AHRR: variants seen among roughly 807,000 people sequenced by gnomAD.
AHRR encodes the protein ahR repressor.
Under a neutral mutation model 44.0 loss-of-function variants are expected in AHRR, and 28 were observed. That is an observed-to-expected ratio of 0.64 (90% CI 0.47 to 0.87). The LOEUF (loss-of-function observed/expected upper bound fraction) is 0.87. Among genes scored for constraint, AHRR ranks in the 40% least tolerant of loss-of-function variants. AHRR has a pLI of 0.00. For missense variants in AHRR, 990 were observed against 953.9 expected (o/e 1.04, Z -0.50); for synonymous variants, 434 against 407.0 (o/e 1.07, Z -0.80).
rs533821146 is a variant in AHRR at position 337,078 on chromosome 5, G to GTT, written c.-10-6807_-10-6806dup. On this transcript the variant is annotated intron_variant, in intron 1 of 10. Transcript: ENST00000684583. The surrounding 1 kb of genome is among the most constrained non-coding windows in gnomAD (Gnocchi z 4.1). Reference sequence around the variant, plus strand: ...ATGCCACAGTTTCTTTCTTTTTAATGTTTTTTTTTAAAGCCAAACATTTTA... The same window carrying GTT: ...ATGCCACAGTTTCTTTCTTTTTAATGTTTTTTTTTTTAAAGCCAAACATTTTA... Among the ~76,000 whole-genome samples the GTT allele has an allele frequency of 6.6e-6, 1 of 150,736 alleles. No homozygotes were observed. The highest frequency in any genetic ancestry group is 1.5e-5 in the Non-Finnish European group (1 of 67,618).
In AHRR at chr5:344,689, T is replaced by C; in HGVS notation, c.62+725T>C. Among the ~76,000 whole-genome samples the C allele has an allele frequency of 5.9e-4, 3 of 5,090 alleles. 1 individual carries two copies. In the African/African-American group the frequency reaches 6.3e-3, roughly 11 times the overall value. The allele number at this position is 5,090 out of a possible 152,430, so 3.3% of individuals were successfully genotyped here. ...CTGTGTGTGTGTGGGTGTGTGTGTG[T>C]GAGGCTGTGGGGGGCTGTGTGTGGG... On this transcript the variant is annotated intron_variant, in intron 2 of 10. Transcript: ENST00000684583.
rs1051034894 is a variant in AHRR, at chr5:326,620, CAT to C, written c.-11+4805_-11+4806del. 2.6e-5 allele frequency among the ~76,000 whole-genome samples: 4 copies of C among 152,116 alleles called. No individual in the cohort carries two copies. Among genetic ancestry groups the C allele is most frequent in the African/African-American group, 9.7e-5 (4 of 41,396 alleles). ...GTACCTAGGAGTGGAGTTACTGGAT[CAT>C]ATAGTGATTCTGTGTTTAACTTTTT... On this transcript the variant is annotated intron_variant, in intron 1 of 10. Coordinates refer to ENST00000684583, the MANE Select transcript of AHRR (RefSeq NM_001377236.1). The surrounding 1 kb of genome is among the most constrained non-coding windows in gnomAD (Gnocchi z 4.1).
chr5:404,259 C>T lies in AHRR; in HGVS notation c.352-9085C>T. On this transcript the variant is annotated intron_variant, in intron 4 of 10. Coordinates refer to ENST00000684583, the MANE Select transcript of AHRR (RefSeq NM_001377236.1). This position sits in a 1 kb window ranked among gnomAD's most constrained non-coding sequence, Gnocchi z 4.1. ...AATCACATCTGCTCCATGCATGTTC[C>T]CAAATCATTGCCCTTCTCATCAAAC... 2 of 506,266 alleles carry T rather than the reference C, an allele frequency of 4.0e-6. No homozygotes were observed. Among genetic ancestry groups the T allele is most frequent in the South Asian group, 3.1e-5 (2 of 64,648 alleles). 31.4% of individuals were successfully genotyped at this position (506,266 alleles called of 1,614,324 possible). A position where few individuals can be genotyped will look rare whatever the true frequency, so the allele number is the denominator to read the frequency against.
intron 4 of AHRR, among the ~76,000 whole-genome samples, chr5:410,402 G>A (rs982036834): frequency 1.3e-5 from 2 of 151,926 alleles, no homozygotes; most frequent in African/African-American, 4.8e-5. Context: ...TGTAGAGACG[G>A]GGTCTCACTA....
At chr5:398,733 C>T (rs11960768) in intron 4 of AHRR, among the ~76,000 whole-genome samples, 14,950 of 152,262 alleles carry the variant, frequency 0.098, 1,011 homozygotes, top group Admixed American at 0.13. Context: ...CCGTTGTCAC[C>T]GATGGGCTTC....
chr5:348,564 T>A (rs1206351425), intron 2 of AHRR, among the ~76,000 whole-genome samples: 1 of 152,200 alleles, frequency 6.6e-6, no homozygotes, highest in East Asian at 1.9e-4. Context: ...CTGTTTCCTG[T>A]CACTGCAGAT....
In AHRR at chr5:413,405, C is replaced by G; in HGVS notation, c.413C>G (p.Thr138Arg). 6.2e-7 allele frequency: 1 copy of G among 1,613,680 alleles called. No homozygotes were observed. ...GGGACGATATTTTATGCATCAGCAACGATCGTGGACTATCTGGGCTTCCAT... is the reference window on the plus strand; with the variant it reads ...GGGACGATATTTTATGCATCAGCAAGGATCGTGGACTATCTGGGCTTCCAT... ...AEGTIFYASA[T>R]IVDYLGFHQT... The change falls in exon 5 of 11, where the codon ACG becomes AGG. Residue 138 changes from threonine (T) to arginine (R), a missense_variant. By Grantham distance (71) the Thr-to-Arg change is moderately conservative. Transcript: ENST00000684583.
At chr5:403,521 A>G (rs1013904678) in intron 4 of AHRR, among the ~76,000 whole-genome samples, 19 of 151,966 alleles carry the variant, frequency 1.3e-4, no homozygotes, top group Non-Finnish European at 2.4e-4. Flanking sequence ...CTGTAATCCC[A>G]GCTACTCGGG....
At chr5:372,453 G>A (rs1213068529) in intron 3 of AHRR, among the ~76,000 whole-genome samples, 6 of 152,120 alleles carry the variant, frequency 3.9e-5, no homozygotes, top group Admixed American at 1.3e-4. Context: ...TCTTCTGCTC[G>A]CTTTGCCTGT....
chr5:389,114 G>T (rs1053750046), intron 4 of AHRR, among the ~76,000 whole-genome samples: 1 of 149,640 alleles, frequency 6.7e-6, no homozygotes, highest in African/African-American at 2.5e-5. Context: ...GGGACCAGCC[G>T]CCCCATGAGC....
At chr5:378,303 T>C (rs1733830738) in intron 4 of AHRR, among the ~76,000 whole-genome samples, 1 of 152,236 alleles carries the variant, frequency 6.6e-6, no homozygotes, top group Non-Finnish European at 1.5e-5. Context: ...TAAACCGCCT[T>C]GAGCCGGCAC....
chr5:361,813 T>C (rs1004353618), intron 3 of AHRR, among the ~76,000 whole-genome samples: 1 of 152,184 alleles, frequency 6.6e-6, no homozygotes. Context: ...AGGTCTGCTT[T>C]AGGAGAAATT....
In AHRR at chr5:434,389, C is replaced by G; in HGVS notation, c.1649C>G (p.Pro550Arg). The part of the protein sequence containing the change: ...GCEGAADGCV[P>R]SQVWLGASDR... ...GAGGGTGCTGCAGACGGCTGTGTGCCCAGCCAGGTGTGGCTGGGGGCCAGT... is the reference window on the plus strand; with the variant it reads ...GAGGGTGCTGCAGACGGCTGTGTGCGCAGCCAGGTGTGGCTGGGGGCCAGT... Residue 550 changes from proline (P) to arginine (R), a missense_variant, in exon 11 of 11, where the codon CCC (proline) becomes CGC (arginine). Transcript: ENST00000684583. 1 of 1,613,600 alleles carries G rather than the reference C, an allele frequency of 6.2e-7. No individual in the cohort carries two copies. Among genetic ancestry groups the G allele is most frequent in the Non-Finnish European group, 8.5e-7 (1 of 1,179,996 alleles).
intron 4 of AHRR, among the ~76,000 whole-genome samples, chr5:398,628 G>A (rs1013491532): frequency 6.6e-6 from 1 of 152,224 alleles, no homozygotes; most frequent in Non-Finnish European, 1.5e-5. Flanking sequence ...TGGAAGGAGT[G>A]TGTTTGTGCC....
At chr5:367,608 C>T in intron 3 of AHRR, among the ~76,000 whole-genome samples, 1 of 152,192 alleles carries the variant, frequency 6.6e-6, no homozygotes, top group East Asian at 1.9e-4. Flanking sequence ...AGGCTCAGCA[C>T]ACCTGTAGCT....
intron 5 of AHRR, 53 bp from the exon 6 acceptor site, chr5:422,676 G>A: frequency 6.2e-7 from 1 of 1,613,550 alleles, no homozygotes; most frequent in Non-Finnish European, 8.5e-7. Flanking sequence ...GTGGAATAAA[G>A]TGTCTAAAGC....
rs1372336410 is a variant in AHRR at position 345,398 on chromosome 5, GATGATGTCCCTGGC to G, written c.62+1435_62+1448del. On this transcript the variant is annotated intron_variant, in intron 2 of 10. Transcript: ENST00000684583. ...TGTGTGGGGATGTGTGTGTGTGTCG[GATGATGTCCCTGGC>G]TGTGTGTGTGTGTGGGTGTGCGTGT... Among the ~76,000 whole-genome samples, 8 of 121,184 alleles carry G rather than the reference GATGATGTCCCTGGC, an allele frequency of 6.6e-5. 3 individuals are homozygous for G. Among genetic ancestry groups the G allele is most frequent in the African/African-American group, 3.8e-4 (8 of 20,790 alleles). 79.5% of individuals were successfully genotyped at this position (121,184 alleles called of 152,430 possible). A position where few individuals can be genotyped will look rare whatever the true frequency, so the allele number is the denominator to read the frequency against.
At chr5:343,643 G>T in intron 1 of AHRR, 1 of 482,664 alleles carries the variant, frequency 2.1e-6, no homozygotes, top group Non-Finnish European at 3.6e-6. Context: ...GCTTCTCTGG[G>T]GGAGGCCGGG....
At chr5:375,427 A>G (rs1232621245) in intron 3 of AHRR, among the ~76,000 whole-genome samples, 1 of 152,130 alleles carries the variant, frequency 6.6e-6, no homozygotes, top group South Asian at 2.1e-4. Context: ...TGCTTTGGAA[A>G]GGGCTGTGTC....
Sources: allele counts gnomAD v4.1 joint callset (sites outside exome capture counted in the v4.1 genomes callset), GRCh38; gene constraint gnomAD v4.1.1; non-coding constraint Gnocchi (gnomAD v3.1); transcripts MANE v1.5; gene names NCBI Gene and HGNC (gene_info 2026-07-23, HGNC 2026-07-21).